Variants in LOXL4 observed in about 807,000 individuals in gnomAD.
LOXL4 encodes the protein lysyl oxidase like 4, also known as lysyl oxidase homolog 4.
LOXL4 carries 72 observed loss-of-function variants against 89.1 expected under a neutral mutation model. That is an observed-to-expected ratio of 0.81 (90% CI 0.67 to 0.98). The LOEUF (loss-of-function observed/expected upper bound fraction) is 0.98. LOXL4 is among the 50% of genes least tolerant of loss of function. The pLI, the probability that LOXL4 is intolerant of heterozygous loss-of-function variation, is 0.00. For missense variants in LOXL4, 984 were observed against 1,017.5 expected (o/e 0.97, Z 0.45); for synonymous variants, 355 against 392.1 (o/e 0.91, Z 1.12).
rs767868821 is a variant in LOXL4 at position 98,252,384 on chromosome 10, G to C, written c.1920C>G (p.Ser640Arg). 6.2e-7 allele frequency: 1 copy of C among 1,613,966 alleles called. No homozygotes were observed. The highest frequency in any genetic ancestry group is 1.3e-5 in the African/African-American group (1 of 74,940). ...GSKVAEGHKA[S>R]FCLEDTNCPT... is the part of the protein sequence containing the mutation. ...GGCAGTTTGTGTCCTCCAGACAGAA[G>C]CTGGCCTTGTGCCCCTCAGCCACCT... Residue 640 changes from serine (S) to arginine (R), a missense_variant, in exon 12 of 15, where the codon AGC becomes AGG. Coordinates refer to ENST00000260702, the MANE Select transcript of LOXL4 (RefSeq NM_032211.7).
At chr10:98,262,474 T>A (rs1254652463) in intron 2 of LOXL4, among the ~76,000 whole-genome samples, 1 of 152,220 alleles carries the variant, frequency 6.6e-6, no homozygotes, top group Non-Finnish European at 1.5e-5. Flanking sequence ...TGCCCATTTT[T>A]TCATTCAACA....
intron 1 of LOXL4, among the ~76,000 whole-genome samples, chr10:98,264,337 T>C (rs1858628728): frequency 6.9e-6 from 1 of 145,214 alleles, no homozygotes; most frequent in South Asian, 2.4e-4. Context: ...GCATTCGAGA[T>C]ACAGAGAAGA....
intron 8 of LOXL4, 62 bp from the exon 9 acceptor site, chr10:98,257,009 G>A (rs1040268393): frequency 4.7e-5 from 73 of 1,551,308 alleles, no homozygotes; most frequent in Non-Finnish European, 6.2e-5. Context: ...TCAGGGCTGC[G>A]AGCCTGGAGG....
rs1239207447 is a variant in LOXL4 at position 98,256,803 on chromosome 10, C to T, written c.1405G>A (p.Gly469Ser). ...ACCTTGTAGGCATGGATGGCAAAAC[C>T]CAGGCCGAGCTGTCGGCAGGCCACC... ...AMVACRQLGL[G>S]FAIHAYKETW... is the part of the protein sequence containing the mutation. Residue 469 changes from glycine (G) to serine (S), a missense_variant, in exon 9 of 15, where the codon GGT becomes AGT. By Grantham distance (56) the Gly-to-Ser change is moderately conservative (BLOSUM62 0). Coordinates refer to ENST00000260702, the MANE Select transcript of LOXL4 (RefSeq NM_032211.7). 2 of 1,614,116 alleles carry T rather than the reference C, an allele frequency of 1.2e-6. No homozygotes were observed. Among genetic ancestry groups the T allele is most frequent in the Non-Finnish European group, 1.7e-6 (2 of 1,180,048 alleles).
intron 13 of LOXL4, 99 bp downstream of exon 13, chr10:98,251,467 A>G (rs1371563089): frequency 6.6e-6 from 10 of 1,516,058 alleles, no homozygotes; most frequent in Admixed American, 3.7e-5. Context: ...CCTGTCGGAA[A>G]CCCTGTATGG....
At chr10:98,249,060 T>C (rs745789669) in intron 14 of LOXL4, 69 bp from the exon 15 acceptor site, 1 of 1,204,048 alleles carries the variant, frequency 8.3e-7, no homozygotes, top group Non-Finnish European at 1.2e-6. Flanking sequence ...ACAACTTACA[T>C]AGATCCACTC....
Position 98,251,660 on chromosome 10 carries a change from C to G in LOXL4, c.1994G>C (p.Gly665Ala). The G allele has an allele frequency of 1.2e-6, 2 of 1,614,244 alleles. No individual in the cohort carries two copies. Among genetic ancestry groups the G allele is most frequent in the Non-Finnish European group, 1.7e-6 (2 of 1,180,044 alleles). ...GGTGTCCCAGCAGCCTACAGTCACT[C>G]CCTGTTCTCCAAAGTTGGCACATGC... Reference protein sequence around the residue: ...RYACANFGEQGVTVGCWDTYR... With the variant: ...RYACANFGEQAVTVGCWDTYR... Residue 665 changes from glycine to alanine, a missense_variant, in exon 13 of 15, where the codon GGA (glycine) becomes GCA (alanine). Gly to Ala is a moderately conservative substitution (Grantham distance 60). Coordinates refer to ENST00000260702, the MANE Select transcript of LOXL4 (RefSeq NM_032211.7).
intron 1 of LOXL4, among the ~76,000 whole-genome samples, chr10:98,264,924 C>CT (rs1858641735): frequency 6.6e-6 from 1 of 152,250 alleles, no homozygotes; most frequent in Admixed American, 6.5e-5. Context: ...TCACAGGCCC[C>CT]TGCCACTCTC....
Position 98,251,586 on chromosome 10 carries a change from G to A in LOXL4, c.2068C>T (p.Pro690Ser), listed in dbSNP as rs1858193949. The A allele has an allele frequency of 6.2e-7, 1 of 1,614,058 alleles. No individual in the cohort carries two copies. The highest frequency in any genetic ancestry group is 8.5e-7 in the Non-Finnish European group (1 of 1,180,040). Residue 690 changes from proline (P) to serine (S), a missense_variant, in exon 13 of 15, where the codon CCC becomes TCC. Transcript: ENST00000260702. Reference sequence around the variant, plus strand: ...CTTACCTGGAAGATATAATTCCCGGGGCCCACATCTGTGATATCCACCCAC... The same window carrying A: ...CTTACCTGGAAGATATAATTCCCGGAGCCCACATCTGTGATATCCACCCAC... ...CQWVDITDVG[P>S]GNYIFQVIVN...
intron 10 of LOXL4, among the ~76,000 whole-genome samples, chr10:98,254,042 G>A (rs984899338): frequency 1.3e-5 from 2 of 152,150 alleles, no homozygotes; most frequent in Non-Finnish European, 2.9e-5. Context: ...GGCCACCTGG[G>A]TTCATTCTTG....
rs746650380 is a variant in LOXL4 at position 98,248,818 on chromosome 10, C to T, written c.*103G>A. On this transcript the variant is annotated 3_prime_UTR_variant, in exon 15 of 15. Coordinates refer to ENST00000260702, the MANE Select transcript of LOXL4 (RefSeq NM_032211.7). Reference sequence around the variant, plus strand: ...TGAGCAGGTTCTTGGTGCCCCTTGGCACTGGCCCTTTTCCTCTGAGTTGGG... The same window carrying T: ...TGAGCAGGTTCTTGGTGCCCCTTGGTACTGGCCCTTTTCCTCTGAGTTGGG... 3.4e-5 allele frequency: 35 copies of T among 1,043,538 alleles called. 1 individual carries two copies. The South Asian group carries it at 5.0e-4, about 15-fold the overall frequency. 64.6% of individuals were successfully genotyped at this position (1,043,538 alleles called of 1,614,324 possible).
In LOXL4 at chr10:98,261,089, A is replaced by G. The variant is rs1386029689; in HGVS notation, c.495T>C (p.Leu165=). 6.2e-7 allele frequency: 1 copy of G among 1,613,428 alleles called. No homozygotes were observed. Among genetic ancestry groups the G allele is most frequent in the African/African-American group, 1.3e-5 (1 of 74,930 alleles). ...RLEEVRLKPI[L]ASAKQHSPVT... is the part of the protein sequence containing the mutation. ...CTGGGCTATGCTGCTTGGCACTGGC[A>G]AGGATGGGCTTGAGCCGCACCTCCT... Residue 165 remains leucine, a synonymous_variant, in exon 4 of 15, where the codon CTT becomes CTC. Coordinates refer to ENST00000260702, the MANE Select transcript of LOXL4 (RefSeq NM_032211.7).
rs751795837 is a variant in LOXL4, at chr10:98,257,977, T to A, written c.1105+4A>T. ...TCTAACCCCTCCCAGGCTGTCTCAC[T>A]CACCTTGGCCCAGCCGGGCCCCAAA... On this transcript the variant is annotated splice_donor_region_variant and intron_variant, in intron 7 of 14. Coordinates refer to ENST00000260702, the MANE Select transcript of LOXL4 (RefSeq NM_032211.7). 6.2e-7 allele frequency: 1 copy of A among 1,613,526 alleles called. No homozygotes were observed. Among genetic ancestry groups the A allele is most frequent in the Non-Finnish European group, 8.5e-7 (1 of 1,179,770 alleles).
intron 1 of LOXL4, among the ~76,000 whole-genome samples, chr10:98,265,766 T>A (rs571636550): frequency 6.6e-6 from 1 of 152,304 alleles, no homozygotes; most frequent in East Asian, 1.9e-4. Flanking sequence ...TGGTCCCACC[T>A]CCTCTCTGTA....
chr10:98,265,125 C>T (rs1452139341), intron 1 of LOXL4, among the ~76,000 whole-genome samples: 1 of 152,138 alleles, frequency 6.6e-6, no homozygotes, highest in Non-Finnish European at 1.5e-5. Context: ...TCTGTGGTTG[C>T]ATGGATGGGA....
chr10:98,259,263 G>T lies in LOXL4; in HGVS notation c.702-35C>A, dbSNP rs547673901. 17 of 1,594,286 alleles carry T rather than the reference G, an allele frequency of 1.1e-5. No individual in the cohort carries two copies. In the South Asian group the frequency reaches 1.9e-4, roughly 18 times the overall value. On this transcript the variant is annotated intron_variant, in intron 5 of 14. Transcript: ENST00000260702. ...AAGGGAGACTGAGGGTGGAGGAAGG[G>T]CTGAGGGAAGAGCTTCAGGACTAAG...
chr10:98,260,442 C>T lies in LOXL4; in HGVS notation c.662+480G>A, dbSNP rs58980896. ...GTCTAGTGTTTTAACCAAGGACACG[C>T]GGTTTTATGTTCAACTGTTTTCACC... On this transcript the variant is annotated intron_variant, in intron 4 of 14. Transcript: ENST00000260702. 4.9e-3 allele frequency among the ~76,000 whole-genome samples: 713 copies of T among 147,004 alleles called. 10 individuals are homozygous for T. The highest frequency in any genetic ancestry group is 0.018 in the African/African-American group (692 of 39,324).
Position 98,257,778 on chromosome 10 carries a change from CCTCA to C in LOXL4, c.1128_1131del (p.Ser376ArgfsTer64), listed in dbSNP as rs765528987. 1.7e-5 allele frequency: 27 copies of C among 1,613,652 alleles called. No homozygotes were observed. Among genetic ancestry groups the C allele is most frequent in the Non-Finnish European group, 2.2e-5 (26 of 1,179,828 alleles). On this transcript the variant is annotated frameshift_variant, in exon 8 of 15. Transcript: ENST00000260702. LOFTEE classifies it high-confidence loss of function. ...GTCCGCTCATATCCCCTGCAGCGCACCTCACTCAGGTGGATGGGCCCTAGCCCTA... is the reference window on the plus strand; with the variant it reads ...GTCCGCTCATATCCCCTGCAGCGCACCTCAGGTGGATGGGCCCTAGCCCTA...
chr10:98,253,938 G>T, intron 10 of LOXL4, 142 bp from the exon 11 acceptor site: 1 of 1,017,874 alleles, frequency 9.8e-7, no homozygotes, highest in Non-Finnish European at 1.4e-6. Flanking sequence ...AGAGTCAGGA[G>T]ATGGTGAGTT....
Sources: allele counts gnomAD v4.1 joint callset (sites outside exome capture counted in the v4.1 genomes callset), GRCh38; gene constraint gnomAD v4.1.1; transcripts MANE v1.5; gene names NCBI Gene and HGNC (gene_info 2026-07-23, HGNC 2026-07-21).